The following RAB3C variants were observed in gnomAD, a reference collection of about 807,000 sequenced individuals.
The protein encoded by RAB3C is ras-related protein Rab-3C.
In RAB3C, 17 loss-of-function variants were observed where a neutral mutation model predicts 26.4. The observed-to-expected ratio is 0.64, with a 90% CI of 0.44 to 0.97. RAB3C has a LOEUF of 0.97. Ranked by LOEUF, RAB3C falls within the 50% of genes least tolerant of loss-of-function variation. The pLI is 0.00. For missense variants in RAB3C, 242 were observed against 281.9 expected (o/e 0.86, Z 1.01); for synonymous variants, 91 against 95.9 (o/e 0.95, Z 0.30).
At chr5:58,743,831 A>ATT (rs1309451648) in intron 3 of RAB3C, among the ~76,000 whole-genome samples, 3 of 152,338 alleles carry the variant, frequency 2.0e-5, no homozygotes, top group African/African-American at 7.2e-5. Context: ...TTTTTTGGTC[A>ATT]CATATTATTG....
intron 4 of RAB3C, among the ~76,000 whole-genome samples, chr5:58,849,880 T>C (rs1458496077): frequency 6.6e-6 from 1 of 152,258 alleles, no homozygotes; most frequent in Admixed American, 6.5e-5. Context: ...TGCAAAATAT[T>C]AATCTGTTCT....
intron 3 of RAB3C, among the ~76,000 whole-genome samples, chr5:58,821,624 A>G (rs1254972842): frequency 6.6e-6 from 1 of 152,242 alleles, no homozygotes; most frequent in Non-Finnish European, 1.5e-5. Flanking sequence ...TAACTTAGGT[A>G]TCAGAATTAG....
At chr5:58,778,823 C>G (rs973047439) in intron 3 of RAB3C, among the ~76,000 whole-genome samples, 2 of 152,098 alleles carry the variant, frequency 1.3e-5, no homozygotes, top group African/African-American at 2.4e-5. Flanking sequence ...CTGACTGACT[C>G]TTGCCATTTC....
chr5:58,699,570 A>G (rs1331348073), intron 2 of RAB3C, among the ~76,000 whole-genome samples: 1 of 152,190 alleles, frequency 6.6e-6, no homozygotes, highest in African/African-American at 2.4e-5. Context: ...CCCTGCCCAT[A>G]CAGGTGTTGT....
At chr5:58,832,940 C>A (rs1579943924) in intron 4 of RAB3C, among the ~76,000 whole-genome samples, 1 of 152,024 alleles carries the variant, frequency 6.6e-6, no homozygotes, top group African/African-American at 2.4e-5. Context: ...ATTACACTGG[C>A]AATATTCCAG....
chr5:58,812,969 T>C lies in RAB3C; in HGVS notation c.372-12069T>C, dbSNP rs542050943. Among the ~76,000 whole-genome samples the C allele has an allele frequency of 3.1e-4, 47 of 152,302 alleles. 2 individuals carry two copies. In the South Asian group the frequency reaches 9.8e-3, roughly 32 times the overall value. ...TTCAGAAAAGCTGAGAAAATAGTCT[T>C]GGTTTTCCTAATTAGGTACAAAAAC... On this transcript the variant is annotated intron_variant, in intron 3 of 4. Transcript: ENST00000282878.
intron 1 of RAB3C, among the ~76,000 whole-genome samples, chr5:58,610,571 G>A (rs1204689151): frequency 6.6e-6 from 1 of 151,706 alleles, no homozygotes; most frequent in Non-Finnish European, 1.5e-5. Flanking sequence ...CAATGATTGA[G>A]GTTTGAATTT....
At chr5:58,851,068 C>T (rs1744102827) in intron 4 of RAB3C, 96 bp from the exon 5 acceptor site, 1 of 1,204,382 alleles carries the variant, frequency 8.3e-7, no homozygotes, top group Non-Finnish European at 1.2e-6. Context: ...ACTGATGTCT[C>T]ACCATCACCT....
intron 3 of RAB3C, among the ~76,000 whole-genome samples, chr5:58,760,118 T>C (rs578173027): frequency 6.6e-6 from 1 of 152,286 alleles, no homozygotes; most frequent in Non-Finnish European, 1.5e-5. Context: ...AAGGGACCAT[T>C]GCCATTCACT....
chr5:58,820,086 T>C (rs1460082999), intron 3 of RAB3C, among the ~76,000 whole-genome samples: 4 of 152,200 alleles, frequency 2.6e-5, no homozygotes, highest in Non-Finnish European at 5.9e-5. Flanking sequence ...ATACTCATTT[T>C]GGAGTAATGA....
At chr5:58,643,713 G>A (rs1309230215) in intron 2 of RAB3C, among the ~76,000 whole-genome samples, 2 of 152,196 alleles carry the variant, frequency 1.3e-5, no homozygotes, top group African/African-American at 4.8e-5. Context: ...TGGTCACAAT[G>A]TTACCAAGTC....
intron 1 of RAB3C, among the ~76,000 whole-genome samples, chr5:58,586,383 T>C (rs1746008441): frequency 1.3e-5 from 2 of 152,034 alleles, no homozygotes; most frequent in African/African-American, 4.8e-5. Flanking sequence ...AAGACATAAA[T>C]TGGTGGTGTA....
At chr5:58,643,138 A>G (rs562061662) in intron 2 of RAB3C, among the ~76,000 whole-genome samples, 2 of 152,354 alleles carry the variant, frequency 1.3e-5, no homozygotes, top group East Asian at 1.9e-4. Flanking sequence ...ATTACATATC[A>G]TAAAGAATCT....
intron 4 of RAB3C, among the ~76,000 whole-genome samples, chr5:58,830,188 A>G (rs1462569194): frequency 6.6e-6 from 1 of 152,216 alleles, no homozygotes; most frequent in Non-Finnish European, 1.5e-5. Context: ...CAATTTCTTC[A>G]AGGAAATAGT....
intron 2 of RAB3C, among the ~76,000 whole-genome samples, chr5:58,663,777 C>CA (rs531698752): frequency 6.6e-6 from 1 of 152,040 alleles, no homozygotes; most frequent in Non-Finnish European, 1.5e-5. Context: ...TGAAAACAAA[C>CA]AAAAAACGGC....
chr5:58,786,326 C>T (rs1742379723), intron 3 of RAB3C, among the ~76,000 whole-genome samples: 1 of 152,088 alleles, frequency 6.6e-6, no homozygotes, highest in Admixed American at 6.5e-5. Context: ...TTCTTGAGTC[C>T]AGCGTTTAGG....
chr5:58,762,650 C>T (rs906077338), intron 3 of RAB3C, among the ~76,000 whole-genome samples: 1 of 152,158 alleles, frequency 6.6e-6, no homozygotes. Flanking sequence ...CTGACAGCGC[C>T]ATTGCCCTCC....
At chr5:58,795,967 C>G (rs1293352251) in intron 3 of RAB3C, among the ~76,000 whole-genome samples, 1 of 152,194 alleles carries the variant, frequency 6.6e-6, no homozygotes, top group Non-Finnish European at 1.5e-5. Context: ...ACTGTATTCT[C>G]TATAATTCCT....
intron 2 of RAB3C, among the ~76,000 whole-genome samples, chr5:58,622,487 G>T (rs1579822283): frequency 6.6e-6 from 1 of 152,130 alleles, no homozygotes; most frequent in East Asian, 1.9e-4. Flanking sequence ...GGGCCTCAGG[G>T]GCAGTCTCTG....
Sources: gnomAD v4.1 joint callset for allele counts (sites outside exome capture counted in the v4.1 genomes callset) on GRCh38, gnomAD v4.1.1 for gene constraint, MANE v1.5 for transcripts, NCBI Gene and HGNC (gene_info 2026-07-23, HGNC 2026-07-21) for gene names.